ABCC10: variants seen among roughly 807,000 people sequenced by gnomAD.
ABCC10 encodes ATP-binding cassette sub-family C member 10.
Under a neutral mutation model 143.2 loss-of-function variants are expected in ABCC10, and 110 were observed. The observed-to-expected ratio is 0.77, with a 90% confidence interval of 0.66 to 0.90. ABCC10 has a LOEUF of 0.90. Among genes scored for constraint, ABCC10 ranks in the 40% least tolerant of loss-of-function variants. The pLI is 0.00. For missense variants in ABCC10, 1,700 were observed against 1,900.5 expected (o/e 0.89, Z 1.96); for synonymous variants, 805 against 846.7 (o/e 0.95, Z 0.85).
rs1360864444 is a variant in ABCC10 at position 43,432,640 on chromosome 6, G to T, written c.660G>T (p.Trp220Cys). ...AGGTGGCTGAAGATGGGGAGAGTTGGCTGTCACGCTTTTCCTATGCCTGGC... is the reference window on the plus strand; with the variant it reads ...AGGTGGCTGAAGATGGGGAGAGTTGTCTGTCACGCTTTTCCTATGCCTGGC... ...EPEVAEDGES[W>C]LSRFSYAWLA... The change falls in exon 3 of 22, where the codon TGG (tryptophan) becomes TGT (cysteine). Residue 220 changes from tryptophan to cysteine, a missense_variant. By Grantham distance (215) the Trp-to-Cys change is radical. Transcript: ENST00000372530. 1 of 1,613,886 alleles carries T rather than the reference G, an allele frequency of 6.2e-7. No homozygotes were observed.
chr6:43,441,230 C>A (rs537526684), intron 8 of ABCC10, among the ~76,000 whole-genome samples: 1 of 152,338 alleles, frequency 6.6e-6, no homozygotes, highest in East Asian at 1.9e-4. Flanking sequence ...ATAATCCCAG[C>A]ACTTTGGGAG....
intron 8 of ABCC10, 95 bp from the exon 9 acceptor site, chr6:43,441,767 C>T (rs1362021674): frequency 1.0e-6 from 1 of 999,676 alleles, no homozygotes; most frequent in African/African-American, 1.6e-5. Context: ...AAGCTCCCTA[C>T]TTCTCTTGAC....
In ABCC10 at chr6:43,447,806, G is replaced by C. The variant is rs769348913; in HGVS notation, c.3828G>C (p.Leu1276Phe). 6.2e-7 allele frequency: 1 copy of C among 1,613,460 alleles called. No homozygotes were observed. The highest frequency in any genetic ancestry group is 1.3e-5 in the African/African-American group (1 of 74,922). The change falls in exon 18 of 22, where the codon TTG becomes TTC. Residue 1276 changes from leucine to phenylalanine, a missense_variant. Transcript: ENST00000372530. ...TCTGCGTGCAGCCTGGAGAGAAGTT[G>C]GGCATCGTGGGCCGCACAGGCTCCG... ...VTFCVQPGEK[L>F]GIVGRTGSGK...
chr6:43,447,191 TC>T, intron 16 of ABCC10, 56 bp from the exon 17 acceptor site: 1 of 1,575,450 alleles, frequency 6.3e-7, no homozygotes. Context: ...CTGGGGAGTC[TC>T]CCACAAACGT....
chr6:43,444,022 C>G lies in ABCC10; in HGVS notation c.2494+12C>G. The G allele has an allele frequency of 6.2e-7, 1 of 1,613,140 alleles. No individual in the cohort carries two copies. Among genetic ancestry groups the G allele is most frequent in the Non-Finnish European group, 8.5e-7 (1 of 1,179,048 alleles). ...AGAGTCTGACTCAGGTATGGCTCCC[C>G]AGTGGGAGAAAAGGGCTTGCTTTTC... is the stretch of plus-strand genomic sequence containing the variant. On this transcript the variant is annotated intron_variant, in intron 11 of 21. Coordinates refer to ENST00000372530, the MANE Select transcript of ABCC10 (RefSeq NM_001198934.2).
In ABCC10 at chr6:43,447,366, C is replaced by T. The variant is rs927075494; in HGVS notation, c.3663C>T (p.Tyr1221=). Residue 1221 remains tyrosine, a synonymous_variant, in exon 17 of 22, where the codon TAC becomes TAT. Transcript: ENST00000372530. The part of the protein sequence containing the change: ...MLVSVERLEE[Y]TCDLPQEPQG... ...TGAGCGTCGAGCGGCTGGAAGAGTA[C>T]ACCTGTGACCTGCCCCAGGAACCCC... 4 of 1,613,182 alleles carry T rather than the reference C, an allele frequency of 2.5e-6. No homozygotes were observed. Among genetic ancestry groups the T allele is most frequent in the South Asian group, 1.1e-5 (1 of 91,080 alleles).
chr6:43,442,110 A>C, intron 9 of ABCC10, 150 bp downstream of exon 9: 7 of 621,190 alleles, frequency 1.1e-5, no homozygotes, highest in Non-Finnish European at 1.4e-5. Context: ...TGGCCATCTC[A>C]TCCCCTTTTG....
chr6:43,445,408 C>CT (rs1295239342), intron 14 of ABCC10, 94 bp downstream of exon 14: 14 of 1,425,874 alleles, frequency 9.8e-6, no homozygotes, highest in Non-Finnish European at 1.1e-5. Context: ...ATGGGAGAGT[C>CT]TTTCCTGCCC....
rs1782919261 is a variant in ABCC10, at chr6:43,445,279, A to ACT, written c.2998_2999dup (p.His1001CysfsTer14). The ACT allele has an allele frequency of 6.2e-7, 1 of 1,613,310 alleles. No individual in the cohort carries two copies. Among genetic ancestry groups the ACT allele is most frequent in the Admixed American group, 1.7e-5 (1 of 59,952 alleles). ...AGCAGGCACCCTTCAAGCAGCTGCC[A>ACT]CTCTGCATCGCCGCCTGCTGCATCG... On this transcript the variant is annotated frameshift_variant, in exon 14 of 22. Transcript: ENST00000372530. LOFTEE classifies it high-confidence loss of function.
chr6:43,440,104 AAGCTG>A, intron 8 of ABCC10, among the ~76,000 whole-genome samples: 1 of 151,588 alleles, frequency 6.6e-6, no homozygotes, highest in Non-Finnish European at 1.5e-5. Context: ...CTACAGGTGT[AAGCTG>A]CCACGCCTGC....
Position 43,432,731 on chromosome 6 carries a change from C to A in ABCC10, c.751C>A (p.Pro251Thr). The A allele has an allele frequency of 1.2e-6, 2 of 1,614,148 alleles. No homozygotes were observed. The highest frequency in any genetic ancestry group is 1.7e-6 in the Non-Finnish European group (2 of 1,180,020). The change falls in exon 3 of 22, where the codon CCC (proline) becomes ACC (threonine). Residue 251 changes from proline to threonine, a missense_variant. Physicochemically the swap from Pro to Thr is conservative, Grantham distance 38 (BLOSUM62 -1). Coordinates refer to ENST00000372530, the MANE Select transcript of ABCC10 (RefSeq NM_001198934.2). ...GCAGCCTCAGGACATTTGCCGCCTCCCCCACAGACTGCAGCCAACCTACCT... is the reference window on the plus strand; with the variant it reads ...GCAGCCTCAGGACATTTGCCGCCTCACCCACAGACTGCAGCCAACCTACCT... Reference protein sequence around the residue: ...LRQPQDICRLPHRLQPTYLAR... With the variant: ...LRQPQDICRLTHRLQPTYLAR...
intron 8 of ABCC10, among the ~76,000 whole-genome samples, chr6:43,439,835 GC>G (rs1782159113): frequency 6.6e-6 from 1 of 152,120 alleles, no homozygotes; most frequent in Non-Finnish European, 1.5e-5. Flanking sequence ...GCCCACCTTG[GC>G]CTCCCAAGGT....
intron 7 of ABCC10, chr6:43,438,307 C>A: frequency 7.3e-7 from 1 of 1,366,716 alleles, no homozygotes; most frequent in Non-Finnish European, 9.6e-7. Flanking sequence ...CAGAGAGGAG[C>A]ATAGGTTTGA....
Position 43,433,103 on chromosome 6 carries a change from C to T in ABCC10, c.1123C>T (p.Pro375Ser), listed in dbSNP as rs201927159. ...CKALQLGPSR[P>S]PTGEALNLLG... ...GGCTTTACAGCTGGGGCCCAGCCGCCCTCCTACTGGGGAGGCCCTGAACCT... is the reference window on the plus strand; with the variant it reads ...GGCTTTACAGCTGGGGCCCAGCCGCTCTCCTACTGGGGAGGCCCTGAACCT... The change falls in exon 3 of 22, where the codon CCT becomes TCT. Residue 375 changes from proline (P) to serine (S), a missense_variant. By Grantham distance (74) the Pro-to-Ser change is moderately conservative. Coordinates refer to ENST00000372530, the MANE Select transcript of ABCC10 (RefSeq NM_001198934.2). The T allele has an allele frequency of 3.6e-4, 574 of 1,614,010 alleles. No individual in the cohort carries two copies. The highest frequency in any genetic ancestry group is 4.7e-4 in the Non-Finnish European group (554 of 1,180,002).
intron 8 of ABCC10, among the ~76,000 whole-genome samples, chr6:43,439,804 C>A (rs1004378194): frequency 2.0e-5 from 3 of 151,970 alleles, no homozygotes; most frequent in Non-Finnish European, 4.4e-5. Flanking sequence ...GAATGGTCTC[C>A]ATCTCCTGAC....
chr6:43,446,818 T>C, intron 16 of ABCC10: 1 of 1,150,836 alleles, frequency 8.7e-7, no homozygotes, highest in Non-Finnish European at 1.1e-6. Context: ...GGCTAGGTCC[T>C]ATCACCCTCC....
rs535694701 is a variant in ABCC10, at chr6:43,447,903, G to A, written c.3925G>A (p.Val1309Met). The change falls in exon 18 of 22, where the codon GTG becomes ATG. Residue 1309 changes from valine to methionine, a missense_variant. Transcript: ENST00000372530. ...PSSGRVLLDG[V>M]DTSQLELAQL... ...TTCAGGGCGAGTGCTGCTGGACGGC[G>A]TGGACACCAGCCAGCTGGAGCTGGC... The A allele has an allele frequency of 3.5e-5, 57 of 1,613,674 alleles. No homozygotes were observed. The highest frequency in any genetic ancestry group is 2.2e-4 in the East Asian group (10 of 44,878).
rs1252448334 is a variant in ABCC10, at chr6:43,432,835, T to C, written c.855T>C (p.Tyr285=). Residue 285 remains tyrosine (Y), a synonymous_variant, in exon 3 of 22, where the codon TAT becomes TAC. Transcript: ENST00000372530. ...RALYGAFGRC[Y]LALGLLKLVG... ...TGTATGGGGCCTTTGGACGGTGCTA[T>C]CTGGCACTTGGACTGCTGAAGCTGG... 1 of 1,614,150 alleles carries C rather than the reference T, an allele frequency of 6.2e-7. No individual in the cohort carries two copies.
At chr6:43,446,211 A>G (rs933915520) in intron 15 of ABCC10, 66 bp from the exon 16 acceptor site, 3 of 1,551,252 alleles carry the variant, frequency 1.9e-6, no homozygotes, top group Non-Finnish European at 2.6e-6. Flanking sequence ...TTCCCTGTTG[A>G]GGCCCTGAGG....
Sources: allele counts gnomAD v4.1 joint callset (sites outside exome capture counted in the v4.1 genomes callset), GRCh38; gene constraint gnomAD v4.1.1; transcripts MANE v1.5; gene names NCBI Gene and HGNC (gene_info 2026-07-23, HGNC 2026-07-21).